SMYD3: variants seen among roughly 807,000 people sequenced by gnomAD.
The protein encoded by SMYD3 is SET and MYND domain containing 3.
In SMYD3, 36 loss-of-function variants were observed where a neutral mutation model predicts 57.7. The observed-to-expected ratio is 0.62, with a 90% CI of 0.48 to 0.82. The LOEUF is 0.82. SMYD3 is among the 40% of genes least tolerant of loss of function. The pLI, the probability that SMYD3 is intolerant of heterozygous loss-of-function variation, is 0.00. For missense variants in SMYD3, 515 were observed against 538.8 expected, an observed-to-expected ratio of 0.96 and a Z score of 0.44; for synonymous variants, 211 against 195.0, an observed-to-expected ratio of 1.08 and a Z score of -0.68.
intron 5 of SMYD3, among the ~76,000 whole-genome samples, chr1:246,033,791 AAATT>A (rs921905525): frequency 1.2e-4 from 19 of 152,122 alleles, no homozygotes; most frequent in Admixed American, 3.9e-4. Flanking sequence ...TGCCTCAAAA[AAATT>A]AATTAATTAA....
At chr1:246,507,003 A>ACCCCC in intron 1 of SMYD3, 51 bp downstream of exon 1, 2 of 691,560 alleles carry the variant, frequency 2.9e-6, no homozygotes, top group Non-Finnish European at 2.0e-6. Flanking sequence ...CCCCCTCCCC[A>ACCCCC]GCACCCCACA....
chr1:245,814,825 C>T (rs909483223), intron 10 of SMYD3, among the ~76,000 whole-genome samples: 7 of 151,068 alleles, frequency 4.6e-5, no homozygotes, highest in African/African-American at 7.4e-5. Context: ...CACACACGCA[C>T]GCACACACGC....
In SMYD3 at chr1:245,967,873, G is replaced by A. The variant is rs76691937; in HGVS notation, c.532-37936C>T. Among the ~76,000 whole-genome samples, 632 of 152,296 alleles carry A rather than the reference G, an allele frequency of 4.1e-3. 3 individuals are homozygous for A. The highest frequency in any genetic ancestry group is 0.014 in the African/African-American group (567 of 41,554). On this transcript the variant is annotated intron_variant, in intron 5 of 11. Transcript: ENST00000490107. ...TTAAGGCAACAGGCAGGAGAGTGGC[G>A]TGAACTATTATTTTCATATTTCCAT... is the stretch of plus-strand genomic sequence containing the variant.
At chr1:245,885,594 C>T (rs529069603) in intron 8 of SMYD3, among the ~76,000 whole-genome samples, 2 of 152,348 alleles carry the variant, frequency 1.3e-5, no homozygotes, top group Non-Finnish European at 2.9e-5. Flanking sequence ...CCCCTCCTTT[C>T]TCCTGCAGGC....
At chr1:246,373,805 T>G (rs575285779) in intron 1 of SMYD3, among the ~76,000 whole-genome samples, 62 of 152,212 alleles carry the variant, frequency 4.1e-4, no homozygotes, top group Non-Finnish European at 7.9e-4. Flanking sequence ...TATATTAACT[T>G]TTATTTGATT....
chr1:246,126,736 T>G (rs1490486567), intron 5 of SMYD3, among the ~76,000 whole-genome samples: 1 of 152,198 alleles, frequency 6.6e-6, no homozygotes, highest in Non-Finnish European at 1.5e-5. Context: ...GAATGTTGTT[T>G]TACTCCTCTT....
chr1:245,957,319 G>A (rs1197142381), intron 5 of SMYD3, among the ~76,000 whole-genome samples: 1 of 152,134 alleles, frequency 6.6e-6, no homozygotes, highest in Non-Finnish European at 1.5e-5. Flanking sequence ...AAGCTGACAT[G>A]TCACCCTTTC....
At chr1:246,366,748 T>A (rs976599912) in intron 1 of SMYD3, among the ~76,000 whole-genome samples, 3 of 151,684 alleles carry the variant, frequency 2.0e-5, no homozygotes, top group Admixed American at 6.6e-5. Context: ...AGCCTGACCA[T>A]GGTGAAACCC....
intron 10 of SMYD3, among the ~76,000 whole-genome samples, chr1:245,813,002 CTTCTTT>C (rs146164629): frequency 1.6e-4 from 20 of 121,414 alleles, no homozygotes; most frequent in African/African-American, 6.0e-4. Context: ...CATGAGACAG[CTTCTTT>C]TTTTTTTTTT....
chr1:245,835,417 C>A (rs2050060884), intron 10 of SMYD3, among the ~76,000 whole-genome samples: 1 of 152,008 alleles, frequency 6.6e-6, no homozygotes, highest in Non-Finnish European at 1.5e-5. Flanking sequence ...CGTGCCCGGC[C>A]CCTGAGGCAG....
intron 1 of SMYD3, among the ~76,000 whole-genome samples, chr1:246,366,532 C>T (rs1443020894): frequency 6.7e-6 from 1 of 150,080 alleles, no homozygotes; most frequent in Non-Finnish European, 1.5e-5. Context: ...TCAGCAGAAA[C>T]ACAGCCACCA....
chr1:246,038,631 A>C (rs1202548069), intron 5 of SMYD3, among the ~76,000 whole-genome samples: 2 of 152,204 alleles, frequency 1.3e-5, no homozygotes, highest in African/African-American at 4.8e-5. Flanking sequence ...GCTGTATAAA[A>C]ATTTCACAAA....
At chr1:246,167,853 A>G (rs2062248853) in intron 5 of SMYD3, among the ~76,000 whole-genome samples, 1 of 152,186 alleles carries the variant, frequency 6.6e-6, no homozygotes, top group African/African-American at 2.4e-5. Context: ...ACTGATGATG[A>G]GGAGCATCTT....
At chr1:245,776,828 C>T (rs1230420446) in intron 10 of SMYD3, among the ~76,000 whole-genome samples, 1 of 152,194 alleles carries the variant, frequency 6.6e-6, no homozygotes, top group East Asian at 1.9e-4. Context: ...CTGGTAAACT[C>T]CACCTCACAA....
At chr1:246,278,410 C>T (rs1357435134) in intron 5 of SMYD3, among the ~76,000 whole-genome samples, 1 of 152,156 alleles carries the variant, frequency 6.6e-6, no homozygotes, top group East Asian at 1.9e-4. Context: ...GTATATGTCA[C>T]TCCTGCCAAT....
At chr1:246,244,264 C>G (rs2063667074) in intron 5 of SMYD3, among the ~76,000 whole-genome samples, 1 of 152,060 alleles carries the variant, frequency 6.6e-6, no homozygotes, top group Non-Finnish European at 1.5e-5. Flanking sequence ...TTGTACTTTT[C>G]ACCTTTTTGA....
chr1:245,902,734 A>G (rs1230754306), intron 8 of SMYD3, among the ~76,000 whole-genome samples: 1 of 152,262 alleles, frequency 6.6e-6, no homozygotes, highest in African/African-American at 2.4e-5. Flanking sequence ...ACCTGTGATC[A>G]CTGCTGACAC....
chr1:246,064,192 C>T (rs1024716094), intron 5 of SMYD3, among the ~76,000 whole-genome samples: 2 of 152,148 alleles, frequency 1.3e-5, no homozygotes, highest in South Asian at 2.1e-4. Flanking sequence ...TACCTTGTCT[C>T]CTGCCTATCC....
intron 5 of SMYD3, among the ~76,000 whole-genome samples, chr1:246,107,082 A>C (rs7543146): frequency 2.1e-5 from 3 of 144,018 alleles, no homozygotes; most frequent in Admixed American, 7.1e-5. Context: ...GGCGGATCAC[A>C]AGGTCAGGAG....
Sources: allele counts gnomAD v4.1 joint callset (sites outside exome capture counted in the v4.1 genomes callset), GRCh38; gene constraint gnomAD v4.1.1; transcripts MANE v1.5; gene names NCBI Gene and HGNC (gene_info 2026-07-23, HGNC 2026-07-21).